The following NHS variants were observed in gnomAD, a reference collection of about 807,000 sequenced individuals.
NHS encodes the protein NHS actin remodeling regulator, also known as actin remodeling regulator NHS.
In NHS, 5 loss-of-function variants were observed where a neutral mutation model predicts 72.5. The ratio of observed to expected loss-of-function variants is 0.07; its 90% CI spans 0.04 to 0.14. NHS has a LOEUF of 0.14. Ranked by LOEUF, NHS falls within the 10% of genes least tolerant of loss-of-function variation. The pLI is 1.00. For missense variants in NHS, 1,072 were observed against 1,355.7 expected (o/e 0.79, Z 3.29); for synonymous variants, 464 against 547.7 (o/e 0.85, Z 2.13).
intron 1 of NHS, among the ~76,000 whole-genome samples, chrX:17,422,034 A>G (rs1218062831): frequency 8.9e-6 from 1 of 112,132 alleles, no homozygotes; most frequent in African/African-American, 3.2e-5. Context: ...GAACATTTCC[A>G]GTGATCCAAA....
intron 1 of NHS, among the ~76,000 whole-genome samples, chrX:17,469,944 CTTGT>C (rs1328074337): frequency 9.0e-5 from 10 of 111,424 alleles, no homozygotes; most frequent in Non-Finnish European, 1.9e-4. Flanking sequence ...GCCATTTTTG[CTTGT>C]TTGTTTGTTT....
At chrX:17,647,910 A>G (rs1287480437) in intron 1 of NHS, among the ~76,000 whole-genome samples, 2 of 111,450 alleles carry the variant, frequency 1.8e-5, no homozygotes, top group Admixed American at 9.5e-5. Flanking sequence ...TGGCACTTTC[A>G]TGGGGCATAT....
intron 1 of NHS, among the ~76,000 whole-genome samples, chrX:17,503,634 G>C (rs973793216): frequency 1.8e-5 from 2 of 111,733 alleles, no homozygotes; most frequent in African/African-American, 3.3e-5. Flanking sequence ...TTTTCTCTCT[G>C]TTGAGGATTA....
At chrX:17,638,005 C>T (rs1467405900) in intron 1 of NHS, among the ~76,000 whole-genome samples, 1 of 111,989 alleles carries the variant, frequency 8.9e-6, no homozygotes, top group Admixed American at 9.5e-5. Flanking sequence ...ACTCAAATTT[C>T]AGGCTCCTGT....
intron 1 of NHS, among the ~76,000 whole-genome samples, chrX:17,467,076 C>T (rs1419252235): frequency 9.0e-6 from 1 of 111,626 alleles, no homozygotes; most frequent in Non-Finnish European, 1.9e-5. Context: ...ATTCCTGGTC[C>T]TCAGACATGG....
At chrX:17,594,039 G>A (rs893561900) in intron 1 of NHS, among the ~76,000 whole-genome samples, 1 of 111,988 alleles carries the variant, frequency 8.9e-6, no homozygotes, top group Non-Finnish European at 1.9e-5. Flanking sequence ...CTACCACTGA[G>A]TACCTATTGT....
At chrX:17,435,122 A>G (rs751154311) in intron 1 of NHS, among the ~76,000 whole-genome samples, 11 of 112,132 alleles carry the variant, frequency 9.8e-5, no homozygotes, top group Non-Finnish European at 1.5e-4. Flanking sequence ...CTTTGGAGCC[A>G]CATGAGGTAG....
chrX:17,528,256 C>T (rs921360538), intron 1 of NHS, among the ~76,000 whole-genome samples: 1 of 111,946 alleles, frequency 8.9e-6, no homozygotes, highest in Non-Finnish European at 1.9e-5. Context: ...GAGAATGATC[C>T]AGCCTCAAAT....
intron 1 of NHS, among the ~76,000 whole-genome samples, chrX:17,533,589 T>C (rs1355629335): frequency 8.9e-6 from 1 of 112,174 alleles, no homozygotes; most frequent in Non-Finnish European, 1.9e-5. Context: ...CTGGCCTTGT[T>C]GACTTTTAAA....
rs2064339415 is a variant in NHS, at chrX:17,375,250, G to A, written c.-508G>A. On this transcript the variant is annotated 5_prime_UTR_variant, in exon 1 of 9. Coordinates refer to ENST00000676302, the MANE Select transcript of NHS (RefSeq NM_001291867.2). Reference sequence around the variant, plus strand: ...CCGCCCAGCCAGGGAGAGAGATCCCGGGCGCAATCGCTCCCCGGAGCGGCC... The same window carrying A: ...CCGCCCAGCCAGGGAGAGAGATCCCAGGCGCAATCGCTCCCCGGAGCGGCC... Among the ~76,000 whole-genome samples, 1 of 112,206 alleles carries A rather than the reference G, an allele frequency of 8.9e-6. No individual in the cohort carries two copies. Among genetic ancestry groups the A allele is most frequent in the Non-Finnish European group, 1.9e-5 (1 of 53,040 alleles).
At chrX:17,446,557 C>G (rs1569256301) in intron 1 of NHS, among the ~76,000 whole-genome samples, 1 of 109,055 alleles carries the variant, frequency 9.2e-6, no homozygotes, top group Non-Finnish European at 1.9e-5. Context: ...CTTTACCTAT[C>G]CAAATCCTAT....
chrX:17,410,287 C>T (rs1292999773), intron 1 of NHS, among the ~76,000 whole-genome samples: 14 of 110,944 alleles, frequency 1.3e-4, no homozygotes, highest in Admixed American at 1.2e-3. Context: ...ATGTTAGCAA[C>T]AGTATCGCTG....
chrX:17,427,918 T>A (rs1205326112), intron 1 of NHS, among the ~76,000 whole-genome samples: 1 of 112,385 alleles, frequency 8.9e-6, no homozygotes, highest in African/African-American at 3.2e-5. Flanking sequence ...CAAAGTCTGA[T>A]GCACGGGTCA....
At chrX:17,632,701 T>G in intron 1 of NHS, among the ~76,000 whole-genome samples, 1 of 112,130 alleles carries the variant, frequency 8.9e-6, no homozygotes, top group Middle Eastern at 4.6e-3. Context: ...ATGGAAATAA[T>G]AAAAATTACT....
At chrX:17,597,121 T>G (rs1321002963) in intron 1 of NHS, among the ~76,000 whole-genome samples, 4 of 78,884 alleles carry the variant, frequency 5.1e-5, no homozygotes, top group Non-Finnish European at 8.2e-5. Context: ...CTTCCGTTTT[T>G]TTTTTTTTTT....
At chrX:17,458,276 G>A (rs2064833070) in intron 1 of NHS, among the ~76,000 whole-genome samples, 1 of 111,782 alleles carries the variant, frequency 8.9e-6, no homozygotes, top group Non-Finnish European at 1.9e-5. Flanking sequence ...GTCCCAGGCT[G>A]GAGTGCAGTG....
chrX:17,492,625 A>T (rs1360841977), intron 1 of NHS, among the ~76,000 whole-genome samples: 8 of 112,134 alleles, frequency 7.1e-5, no homozygotes, highest in Non-Finnish European at 1.3e-4. Context: ...TTTAGGGTGG[A>T]GAGTTCTGTA....
intron 1 of NHS, among the ~76,000 whole-genome samples, chrX:17,480,299 CA>C (rs1173945393): frequency 2.7e-5 from 3 of 110,094 alleles, no homozygotes; most frequent in African/African-American, 6.6e-5. Context: ...CATATGGAAC[CA>C]AAAAAAAGAG....
At chrX:17,609,498 A>G (rs1303522713) in intron 1 of NHS, among the ~76,000 whole-genome samples, 1 of 112,030 alleles carries the variant, frequency 8.9e-6, no homozygotes, top group African/African-American at 3.3e-5. Flanking sequence ...AGGAAGTCCA[A>G]CCAGAGATAA....
Sources: allele counts gnomAD v4.1 joint callset (sites outside exome capture counted in the v4.1 genomes callset), GRCh38; gene constraint gnomAD v4.1.1; transcripts MANE v1.5; gene names NCBI Gene and HGNC (gene_info 2026-07-23, HGNC 2026-07-21).